SPAG16: variants seen among roughly 807,000 people sequenced by gnomAD.
SPAG16 encodes sperm-associated antigen 16 protein.
A neutral mutation model predicts 80.4 loss-of-function variants in SPAG16; 86 were observed. The observed-to-expected ratio is 1.07, with a 90% CI of 0.90 to 1.28. The LOEUF is 1.28. SPAG16 is among the 50% of genes most tolerant of loss of function. The pLI is 0.00. For missense variants in SPAG16, 870 were observed against 765.3 expected, an observed-to-expected ratio of 1.14 and a Z score of -1.61; for synonymous variants, 294 against 265.9, an observed-to-expected ratio of 1.11 and a Z score of -1.03.
intron 12 of SPAG16, among the ~76,000 whole-genome samples, chr2:213,988,009 A>G (rs1312464032): frequency 1.3e-5 from 2 of 151,772 alleles, no homozygotes; most frequent in African/African-American, 4.8e-5. Flanking sequence ...ATACTTGCAA[A>G]AACTAACCAG....
rs2062486589 is a variant in SPAG16, at chr2:213,296,106, A to G, written c.179A>G (p.Glu60Gly). 2 of 1,601,796 alleles carry G rather than the reference A, an allele frequency of 1.2e-6. No individual in the cohort carries two copies. Among genetic ancestry groups the G allele is most frequent in the Non-Finnish European group, 1.7e-6 (2 of 1,169,854 alleles). ...TEASEDDYEY[E>G]EIPDDNFSIP... ...GCATCTGAAGATGACTATGAATATG[A>G]AGAGGTAACATGTTAATTTTAGGTG... Residue 60 changes from glutamate (E) to glycine (G), a missense_variant, in exon 2 of 16, where the codon GAA becomes GGA. Physicochemically the swap from Glu to Gly is moderately conservative, Grantham distance 98 (BLOSUM62 -2). Transcript: ENST00000331683.
intron 10 of SPAG16, among the ~76,000 whole-genome samples, chr2:213,697,029 G>A (rs964349316): frequency 6.6e-6 from 1 of 152,184 alleles, no homozygotes; most frequent in Admixed American, 6.5e-5. Context: ...ATTAGAAAGT[G>A]AGTCGCAGAT....
intron 13 of SPAG16, among the ~76,000 whole-genome samples, chr2:214,050,680 A>C (rs573650827): frequency 2.0e-5 from 3 of 152,166 alleles, no homozygotes; most frequent in African/African-American, 7.2e-5. Context: ...TTGCCTCATT[A>C]TCATTGCAAC....
intron 11 of SPAG16, among the ~76,000 whole-genome samples, chr2:213,903,148 T>G (rs550088103): frequency 1.3e-5 from 2 of 152,238 alleles, no homozygotes; most frequent in African/African-American, 4.8e-5. Flanking sequence ...AAGCTGTCAG[T>G]GGATCTACCA....
chr2:214,295,565 T>A (rs1005972549), intron 15 of SPAG16, among the ~76,000 whole-genome samples: 1 of 151,872 alleles, frequency 6.6e-6, no homozygotes, highest in Non-Finnish European at 1.5e-5. Context: ...CCGAGGTGGG[T>A]GGATTGCTTT....
intron 15 of SPAG16, among the ~76,000 whole-genome samples, chr2:214,288,374 C>T (rs1693526748): frequency 6.6e-6 from 1 of 152,006 alleles, no homozygotes; most frequent in Non-Finnish European, 1.5e-5. Context: ...TGAATAGTGC[C>T]GCAAAGACAT....
intron 10 of SPAG16, among the ~76,000 whole-genome samples, chr2:213,592,833 T>G (rs2060749992): frequency 1.3e-5 from 2 of 152,206 alleles, no homozygotes; most frequent in South Asian, 4.1e-4. Flanking sequence ...AATATACTGT[T>G]CCTATAGCAG....
At chr2:213,712,866 C>T (rs1268417947) in intron 10 of SPAG16, among the ~76,000 whole-genome samples, 2 of 152,030 alleles carry the variant, frequency 1.3e-5, no homozygotes, top group Non-Finnish European at 2.9e-5. Context: ...GGTGGCAGGG[C>T]GAGGAGATAC....
chr2:213,792,277 A>G (rs560276577), intron 10 of SPAG16, among the ~76,000 whole-genome samples: 17 of 152,330 alleles, frequency 1.1e-4, no homozygotes, highest in African/African-American at 3.4e-4. Context: ...TGACTGTGCA[A>G]TATTCCATTT....
rs550413699 is a variant in SPAG16, at chr2:213,854,245, C to T, written c.1071-8240C>T. 2.0e-5 allele frequency among the ~76,000 whole-genome samples: 3 copies of T among 152,186 alleles called. No homozygotes were observed. In the East Asian group the frequency reaches 5.8e-4, roughly 29 times the overall value. ...AGTTTTAAGTAGGGAATGTCCTACCCATGGTCTTTAAAAGAAAAAAGTATG... is the reference window on the plus strand; with the variant it reads ...AGTTTTAAGTAGGGAATGTCCTACCTATGGTCTTTAAAAGAAAAAAGTATG... On this transcript the variant is annotated intron_variant, in intron 10 of 15. Transcript: ENST00000331683.
At chr2:213,796,605 T>C (rs1366117498) in intron 10 of SPAG16, among the ~76,000 whole-genome samples, 2 of 152,190 alleles carry the variant, frequency 1.3e-5, no homozygotes, top group Non-Finnish European at 2.9e-5. Flanking sequence ...AAATTTTCCA[T>C]TGCTTAGTGA....
At chr2:213,414,756 G>A (rs1217342027) in intron 9 of SPAG16, among the ~76,000 whole-genome samples, 2 of 152,180 alleles carry the variant, frequency 1.3e-5, no homozygotes, top group African/African-American at 2.4e-5. Flanking sequence ...AGTAATAACC[G>A]CTGATAAACT....
At chr2:213,336,019 T>C (rs1241936432) in intron 5 of SPAG16, among the ~76,000 whole-genome samples, 1 of 151,690 alleles carries the variant, frequency 6.6e-6, no homozygotes, top group Non-Finnish European at 1.5e-5. Context: ...TCATTGGGAC[T>C]GACTAGGTGG....
At chr2:213,916,423 T>C (rs1483857045) in intron 11 of SPAG16, among the ~76,000 whole-genome samples, 4 of 152,228 alleles carry the variant, frequency 2.6e-5, no homozygotes, top group Non-Finnish European at 5.9e-5. Flanking sequence ...CAGATGGTTG[T>C]AGACGTGTGG....
In SPAG16 at chr2:213,718,795, C is replaced by T. The variant is rs375329144; in HGVS notation, c.1071-143690C>T. Among the ~76,000 whole-genome samples the T allele has an allele frequency of 1.2e-4, 18 of 152,298 alleles. No homozygotes were observed. In the East Asian group the frequency reaches 2.7e-3, roughly 23 times the overall value. ...CCCACCCACTCCATGGGCTCCTGTG[C>T]AGCCCAAGCCTCCCCGACGAGCACC... On this transcript the variant is annotated intron_variant, in intron 10 of 15. Transcript: ENST00000331683.
At chr2:214,297,960 A>C (rs1694253482) in intron 15 of SPAG16, among the ~76,000 whole-genome samples, 1 of 151,358 alleles carries the variant, frequency 6.6e-6, no homozygotes, top group African/African-American at 2.4e-5. Flanking sequence ...TAATGTTTTC[A>C]GTTCCAAAAG....
intron 10 of SPAG16, among the ~76,000 whole-genome samples, chr2:213,772,224 C>T (rs2069293470): frequency 6.6e-6 from 1 of 152,032 alleles, no homozygotes; most frequent in African/African-American, 2.4e-5. Context: ...GGAGTTAATT[C>T]ATGATTTGGC....
intron 11 of SPAG16, among the ~76,000 whole-genome samples, chr2:213,911,894 A>T (rs2077693188): frequency 1.3e-5 from 2 of 152,040 alleles, no homozygotes; most frequent in Admixed American, 6.6e-5. Context: ...AAGTTTTAAA[A>T]ATGATTAAAA....
intron 10 of SPAG16, among the ~76,000 whole-genome samples, chr2:213,676,922 C>G (rs1393310171): frequency 6.6e-6 from 1 of 151,176 alleles, no homozygotes; most frequent in East Asian, 1.9e-4. Context: ...AGGATTCCCT[C>G]TTTTTCTATT....
Sources: gnomAD v4.1 joint callset for allele counts (sites outside exome capture counted in the v4.1 genomes callset) on GRCh38, gnomAD v4.1.1 for gene constraint, MANE v1.5 for transcripts, NCBI Gene and HGNC (gene_info 2026-07-23, HGNC 2026-07-21) for gene names.